The following REG4 variants were observed in gnomAD, a reference collection of about 807,000 sequenced individuals.
REG4 encodes the protein regenerating islet-derived protein 4.
REG4 carries 16 observed loss-of-function variants against 22.3 expected under a neutral mutation model. The ratio of observed to expected loss-of-function variants is 0.72; its 90% CI spans 0.49 to 1.09. The LOEUF is 1.09. REG4 is among the 50% of genes least tolerant of loss of function. The probability of loss-of-function intolerance (pLI) is 0.00; values close to 1 mark genes in which losing one functional copy is unlikely to be tolerated. For synonymous variants in REG4, 71 were observed against 69.2 expected, an observed-to-expected ratio of 1.03 and a Z score of -0.13; for missense variants, 214 against 193.9, an observed-to-expected ratio of 1.10 and a Z score of -0.61.
At chr1:119,809,794 T>C (rs587708567) in intron 1 of REG4, among the ~76,000 whole-genome samples, 1 of 152,346 alleles carries the variant, frequency 6.6e-6, no homozygotes, top group Non-Finnish European at 1.5e-5. Flanking sequence ...ACCTCATTAA[T>C]AGGGCACTAA....
chr1:119,796,194 G>T (rs750799582), intron 5 of REG4, among the ~76,000 whole-genome samples: 3 of 152,190 alleles, frequency 2.0e-5, no homozygotes, highest in South Asian at 4.1e-4. Flanking sequence ...TCTGCACAGG[G>T]TCACACAGCT....
chr1:119,802,763 C>A, intron 3 of REG4: 2 of 1,452,714 alleles, frequency 1.4e-6, no homozygotes, highest in Non-Finnish European at 9.1e-7. Context: ...TTCTCTTCCT[C>A]CTTTGATTGA....
rs926200355 is a variant in REG4 at position 119,794,479 on chromosome 1, A to T, written c.*139T>A. The T allele has an allele frequency of 1.3e-6, 1 of 785,818 alleles. No individual in the cohort carries two copies. Among genetic ancestry groups the T allele is most frequent in the South Asian group, 1.5e-5 (1 of 64,642 alleles). The allele number at this position is 785,818 out of a possible 1,614,324, so 48.7% of individuals were successfully genotyped here. ...TGCTAAAGTTTCTGTCTCTAAGCCT[A>T]AAAAAGCCAGTGTAGTAGGGCCCTT... On this transcript the variant is annotated 3_prime_UTR_variant, in exon 6 of 6. Transcript: ENST00000256585.
chr1:119,802,462 C>CTA (rs35903675), intron 3 of REG4: 10,951 of 1,008,486 alleles, frequency 0.011, 215 homozygotes, highest in African/African-American at 0.079. Context: ...CCAAATGTAC[C>CTA]TATATGGCTC....
At chr1:119,808,146 T>A (rs768583670) in intron 2 of REG4, among the ~76,000 whole-genome samples, 12 of 152,228 alleles carry the variant, frequency 7.9e-5, no homozygotes, top group Non-Finnish European at 1.6e-4. Context: ...TTTCTGGTAT[T>A]CTGTGACATT....
At chr1:119,802,517 C>A in intron 3 of REG4, 1 of 1,066,926 alleles carries the variant, frequency 9.4e-7, no homozygotes, top group Non-Finnish European at 1.1e-6. Context: ...CCATATGTGG[C>A]TGAGATAACT....
chr1:119,794,659 A>G lies in REG4; in HGVS notation c.436T>C (p.Cys146Arg), dbSNP rs1218430203. 6.2e-7 allele frequency: 1 copy of G among 1,614,166 alleles called. No individual in the cohort carries two copies. ...CACAGGAAGTGTTGGCGCTTGTTGC[A>G]TTCGTTGCTGCTCCAAGTTAAAAAG... ...NNFLTWSSNE[C>R]NKRQHFLCKY... The change falls in exon 6 of 6, where the codon TGC becomes CGC. Residue 146 changes from cysteine (C) to arginine (R), a missense_variant. Physicochemically the swap from Cys to Arg is radical, Grantham distance 180. Transcript: ENST00000256585.
intron 2 of REG4, among the ~76,000 whole-genome samples, chr1:119,804,211 T>C (rs1220927585): frequency 3.9e-5 from 6 of 152,204 alleles, no homozygotes; most frequent in Admixed American, 3.9e-4. Flanking sequence ...GCAGCTGTCA[T>C]AACAGCATTT....
intron 3 of REG4, chr1:119,801,479 A>G (rs982663624): frequency 6.6e-6 from 1 of 152,300 alleles, no homozygotes; most frequent in Non-Finnish European, 1.5e-5. Context: ...TATACCAGCC[A>G]CAGAAGATCC....
chr1:119,809,337 T>C (rs1333694091), intron 1 of REG4: 1 of 152,250 alleles, frequency 6.6e-6, no homozygotes, highest in Non-Finnish European at 1.5e-5. Flanking sequence ...AAGTCATTTG[T>C]TCATGGACAC....
chr1:119,802,691 C>T, intron 3 of REG4: 1 of 1,422,688 alleles, frequency 7.0e-7, no homozygotes, highest in Admixed American at 3.1e-5. Context: ...TGTCTACACA[C>T]CACTCTCTTT....
intron 5 of REG4, among the ~76,000 whole-genome samples, chr1:119,795,435 C>T (rs1269309788): frequency 6.6e-6 from 1 of 152,190 alleles, no homozygotes; most frequent in South Asian, 2.1e-4. Context: ...CCCAACAGGC[C>T]ATCTGCTTAT....
chr1:119,804,829 C>T (rs929406058), intron 2 of REG4, among the ~76,000 whole-genome samples: 3 of 152,150 alleles, frequency 2.0e-5, no homozygotes, highest in African/African-American at 4.8e-5. Context: ...TGCTCTCATT[C>T]TTTTTTCTCC....
At chr1:119,808,280 C>A (rs181088208) in intron 2 of REG4, among the ~76,000 whole-genome samples, 94 of 152,298 alleles carry the variant, frequency 6.2e-4, no homozygotes, top group African/African-American at 1.7e-3. Flanking sequence ...AATGTATAAG[C>A]GCCATCTCTC....
At chr1:119,796,347 C>T (rs1653938289) in intron 5 of REG4, among the ~76,000 whole-genome samples, 1 of 152,028 alleles carries the variant, frequency 6.6e-6, no homozygotes, top group Non-Finnish European at 1.5e-5. Flanking sequence ...AGTGGACCAG[C>T]AAAACATCAG....
chr1:119,808,747 A>G lies in REG4; in HGVS notation c.23T>C (p.Leu8Pro). 1 of 1,614,010 alleles carries G rather than the reference A, an allele frequency of 6.2e-7. No homozygotes were observed. The highest frequency in any genetic ancestry group is 8.5e-7 in the Non-Finnish European group (1 of 1,179,890). MASRSMR[L>P]LLLLSCLAKT... Reference sequence around the variant, plus strand: ...GGCCAGGCAGCTCAGCAATAGGAGCAGCCGCATGCTTCTGGAAGCCATCTT... The same window carrying G: ...GGCCAGGCAGCTCAGCAATAGGAGCGGCCGCATGCTTCTGGAAGCCATCTT... Residue 8 changes from leucine (L) to proline (P), a missense_variant, in exon 2 of 6, where the codon CTG becomes CCG. Physicochemically the swap from Leu to Pro is moderately conservative, Grantham distance 98 (BLOSUM62 -3). Coordinates refer to ENST00000256585, the MANE Select transcript of REG4 (RefSeq NM_032044.4).
chr1:119,796,548 A>C (rs773449886), intron 5 of REG4, among the ~76,000 whole-genome samples: 13 of 151,998 alleles, frequency 8.6e-5, no homozygotes, highest in Non-Finnish European at 1.5e-4. Context: ...TTGGGGCATT[A>C]ATATACATTT....
intron 2 of REG4, among the ~76,000 whole-genome samples, chr1:119,804,764 C>T (rs1429687560): frequency 5.9e-5 from 9 of 152,120 alleles, no homozygotes; most frequent in African/African-American, 9.7e-5. Flanking sequence ...GTCTACATCT[C>T]GGTCTCTTTT....
At chr1:119,798,295 G>A (rs1163541) in intron 5 of REG4, among the ~76,000 whole-genome samples, 113,284 of 152,134 alleles carry the variant, frequency 0.74, 42,406 homozygotes, top group East Asian at 0.9. Flanking sequence ...GTACATTGAT[G>A]TGACAAAGAC....
Sources: gnomAD v4.1 joint callset for allele counts (sites outside exome capture counted in the v4.1 genomes callset) on GRCh38, gnomAD v4.1.1 for gene constraint, MANE v1.5 for transcripts, NCBI Gene and HGNC (gene_info 2026-07-23, HGNC 2026-07-21) for gene names.